Variants in SCHIP1 observed in about 807,000 individuals in gnomAD.
SCHIP1 encodes schwannomin-interacting protein 1.
SCHIP1 carries 8 observed loss-of-function variants against 29.7 expected under a neutral mutation model. The observed-to-expected ratio is 0.27, with a 90% CI of 0.16 to 0.49. SCHIP1 has a LOEUF of 0.49. Among genes scored for constraint, SCHIP1 ranks in the 20% least tolerant of loss-of-function variants. The probability of loss-of-function intolerance (pLI) is 0.99; values close to 1 mark genes in which losing one functional copy is unlikely to be tolerated. For synonymous variants in SCHIP1, 76 were observed against 94.9 expected (o/e 0.80, Z 1.16); for missense variants, 193 against 294.6 (o/e 0.66, Z 2.52).
the SCHIP1 span, among the ~76,000 whole-genome samples, chr3:159,430,309 TTC>T: frequency 6.6e-6 from 1 of 152,214 alleles, no homozygotes; most frequent in African/African-American, 2.4e-5. Context: ...TGTGGAAAAT[TTC>T]TCTCATTTTA....
chr3:159,447,673 C>T, the SCHIP1 span, among the ~76,000 whole-genome samples: 21 of 152,162 alleles, frequency 1.4e-4, no homozygotes, highest in Admixed American at 1.3e-3. Flanking sequence ...ATTTAGTTTA[C>T]TGATTCTTCT....
At chr3:159,456,024 G>A in the SCHIP1 span, among the ~76,000 whole-genome samples, 4 of 152,176 alleles carry the variant, frequency 2.6e-5, no homozygotes, top group African/African-American at 9.7e-5. Context: ...TATTAAGTCT[G>A]TCTCTGAAAT....
At chr3:159,515,275 CACAA>C in the SCHIP1 span, among the ~76,000 whole-genome samples, 1 of 151,988 alleles carries the variant, frequency 6.6e-6, no homozygotes, top group African/African-American at 2.4e-5. Context: ...CCATTCAGCA[CACAA>C]ACAGATCTGG....
At chr3:159,425,734 T>G in the SCHIP1 span, among the ~76,000 whole-genome samples, 1 of 152,214 alleles carries the variant, frequency 6.6e-6, no homozygotes, top group Non-Finnish European at 1.5e-5. Context: ...ATCAATAGAA[T>G]ATACATTTTG....
At chr3:159,350,511 A>C in the SCHIP1 span, among the ~76,000 whole-genome samples, 8 of 152,142 alleles carry the variant, frequency 5.3e-5, no homozygotes, top group African/African-American at 1.7e-4. Context: ...TTTTAATTAG[A>C]GATGATGATG....
chr3:159,716,618 A>T, the SCHIP1 span, among the ~76,000 whole-genome samples: 1 of 152,204 alleles, frequency 6.6e-6, no homozygotes, highest in East Asian at 1.9e-4. Flanking sequence ...ACTTTAAACC[A>T]ACAAAGATCA....
the SCHIP1 span, chr3:159,765,244 A>T: frequency 7.6e-7 from 1 of 1,318,038 alleles, no homozygotes; most frequent in Admixed American, 2.7e-5. Flanking sequence ...GGCCCCATTC[A>T]TTCTTCCTCG....
chr3:159,777,561 A>T, the SCHIP1 span, among the ~76,000 whole-genome samples: 2 of 152,158 alleles, frequency 1.3e-5, no homozygotes, highest in African/African-American at 4.8e-5. Flanking sequence ...TCAAAAATTG[A>T]TTTGTTATTT....
At chr3:159,287,160 T>C in the SCHIP1 span, among the ~76,000 whole-genome samples, 1 of 152,130 alleles carries the variant, frequency 6.6e-6, no homozygotes, top group African/African-American at 2.4e-5. Context: ...ATGTTCAGAA[T>C]GATATCTCCT....
At chr3:159,354,653 T>G in the SCHIP1 span, among the ~76,000 whole-genome samples, 13 of 152,258 alleles carry the variant, frequency 8.5e-5, no homozygotes, top group African/African-American at 2.9e-4. Flanking sequence ...GAAGAAGGAC[T>G]GATGATGCCT....
the SCHIP1 span, among the ~76,000 whole-genome samples, chr3:159,470,147 G>GT: frequency 6.6e-6 from 1 of 152,052 alleles, no homozygotes; most frequent in Non-Finnish European, 1.5e-5. Flanking sequence ...CTTAAATGGT[G>GT]TTATTACAAA....
the SCHIP1 span, among the ~76,000 whole-genome samples, chr3:159,632,750 G>T: frequency 6.6e-6 from 1 of 152,152 alleles, no homozygotes; most frequent in African/African-American, 2.4e-5. Flanking sequence ...GAACTGCCAG[G>T]GGAGGACGGA....
At chr3:159,668,959 T>G in the SCHIP1 span, among the ~76,000 whole-genome samples, 2 of 152,184 alleles carry the variant, frequency 1.3e-5, no homozygotes, top group Non-Finnish European at 2.9e-5. Flanking sequence ...AATTTCCATT[T>G]GAAGCAATGC....
At chr3:159,808,120 T>C in the SCHIP1 span, among the ~76,000 whole-genome samples, 5 of 152,246 alleles carry the variant, frequency 3.3e-5, no homozygotes, top group African/African-American at 1.2e-4. Flanking sequence ...GGAGCCCTTA[T>C]GCTTTCACTA....
At chr3:159,418,918 CAG>C in the SCHIP1 span, among the ~76,000 whole-genome samples, 3 of 152,238 alleles carry the variant, frequency 2.0e-5, no homozygotes, top group Non-Finnish European at 4.4e-5. Flanking sequence ...TTAGTTTGAT[CAG>C]AGTGTTGCCT....
At chr3:159,462,348 C>T in the SCHIP1 span, among the ~76,000 whole-genome samples, 1 of 152,112 alleles carries the variant, frequency 6.6e-6, no homozygotes, top group Non-Finnish European at 1.5e-5. Flanking sequence ...AAAGATTGAC[C>T]GAAGAGATCT....
intron 3 of SCHIP1, 49 bp downstream of exon 4, chr3:159,886,373 C>T (rs1405638730): frequency 6.5e-7 from 1 of 1,535,140 alleles, no homozygotes; most frequent in Non-Finnish European, 9.0e-7. Flanking sequence ...ATTTCCGGGC[C>T]ATTTAGCTTC....
the SCHIP1 span, among the ~76,000 whole-genome samples, chr3:159,588,033 G>T: frequency 1.3e-5 from 2 of 152,168 alleles, no homozygotes; most frequent in Non-Finnish European, 2.9e-5. Flanking sequence ...AGATCCCTGA[G>T]AAATCACCAC....
At chr3:159,627,547 T>C in the SCHIP1 span, among the ~76,000 whole-genome samples, 1 of 152,274 alleles carries the variant, frequency 6.6e-6, no homozygotes, top group South Asian at 2.1e-4. Flanking sequence ...GAGCTAGAAA[T>C]TGGTTAGAAA....
Sources: gnomAD v4.1 joint callset for allele counts (sites outside exome capture counted in the v4.1 genomes callset) on GRCh38, gnomAD v4.1.1 for gene constraint, MANE v1.5 for transcripts, NCBI Gene and HGNC (gene_info 2026-07-23, HGNC 2026-07-21) for gene names.